The following MAP2 variants were observed in gnomAD, a reference collection of about 807,000 sequenced individuals.
MAP2 encodes the protein microtubule-associated protein 2.
MAP2 carries 14 observed loss-of-function variants against 137.6 expected under a neutral mutation model. The observed-to-expected ratio is 0.10, with a 90% CI of 0.07 to 0.16. The LOEUF (loss-of-function observed/expected upper bound fraction) is 0.16, where lower values mean the gene tolerates loss of function less well. Ranked by LOEUF, MAP2 falls within the 10% of genes least tolerant of loss-of-function variation. MAP2 has a pLI of 1.00. For missense variants in MAP2, 2,088 were observed against 2,191.5 expected, an observed-to-expected ratio of 0.95 and a Z score of 0.94; for synonymous variants, 786 against 782.3, an observed-to-expected ratio of 1.00 and a Z score of -0.08.
chr2:209,634,072 A>T (rs1425506711), intron 4 of MAP2, among the ~76,000 whole-genome samples: 1 of 152,146 alleles, frequency 6.6e-6, no homozygotes, highest in Non-Finnish European at 1.5e-5. Flanking sequence ...GCCACACCGG[A>T]GAAGGGCATG....
chr2:209,523,512 T>G (rs1479349312), intron 2 of MAP2, among the ~76,000 whole-genome samples: 1 of 152,138 alleles, frequency 6.6e-6, no homozygotes, highest in East Asian at 1.9e-4. Flanking sequence ...GCCTACGTCT[T>G]CTGCATGCTG....
chr2:209,579,282 C>CGT (rs3036660), intron 2 of MAP2: 18,736 of 149,530 alleles, frequency 0.13, 1,338 homozygotes, highest in East Asian at 0.24. Context: ...TGCGTGCGTG[C>CGT]GTGTGTGTGT....
At chr2:209,434,863 TTATATATATGTTA>T (rs1695380446) in intron 1 of MAP2, among the ~76,000 whole-genome samples, 1 of 96,558 alleles carries the variant, frequency 1.0e-5, no homozygotes, top group African/African-American at 3.7e-5. Flanking sequence ...TATATATATG[TTATATATATGTTA>T]TATATATGTT....
chr2:209,661,751 C>A, intron 5 of MAP2: 1 of 921,940 alleles, frequency 1.1e-6, no homozygotes, highest in Non-Finnish European at 1.3e-6. Flanking sequence ...GGATTAGCTT[C>A]AATCATAATA....
intron 13 of MAP2, chr2:209,723,781 A>C: frequency 1.2e-6 from 1 of 803,098 alleles, no homozygotes; most frequent in South Asian, 1.5e-5. Flanking sequence ...TTTCCAACAC[A>C]CTGCTCCTTT....
chr2:209,657,391 T>C (rs1159124846), intron 5 of MAP2, among the ~76,000 whole-genome samples: 1 of 152,210 alleles, frequency 6.6e-6, no homozygotes, highest in Non-Finnish European at 1.5e-5. Flanking sequence ...AACATTCCCG[T>C]CAACATTGTT....
chr2:209,582,698 G>GA, intron 3 of MAP2, among the ~76,000 whole-genome samples: 1 of 124,622 alleles, frequency 8.0e-6, no homozygotes, highest in South Asian at 2.5e-4. Context: ...TAGATAGATA[G>GA]ATAGAATATT....
At chr2:209,661,266 C>G (rs1003054212) in intron 5 of MAP2, among the ~76,000 whole-genome samples, 1 of 152,118 alleles carries the variant, frequency 6.6e-6, no homozygotes, top group African/African-American at 2.4e-5. Flanking sequence ...AAAATATGGC[C>G]TATTCTATGT....
In MAP2 at chr2:209,695,578, G is replaced by A. The variant is rs771358665; in HGVS notation, c.3408G>A (p.Glu1136=). 81 of 1,613,906 alleles carry A rather than the reference G, an allele frequency of 5.0e-5. 1 individual carries two copies. In the South Asian group the frequency reaches 5.8e-4, roughly 12 times the overall value. Residue 1136 remains glutamate (E), a synonymous_variant, in exon 8 of 16, where the codon GAG becomes GAA. Transcript: ENST00000682079. ...AGGAGTCCTATGAATCTAGTGGTGA[G>A]CATGAAAGTCTCACCATGGAGTCCT... ...DKEESYESSG[E]HESLTMESLK...
intron 3 of MAP2, among the ~76,000 whole-genome samples, chr2:209,601,238 A>G (rs921269206): frequency 3.3e-5 from 5 of 152,062 alleles, no homozygotes; most frequent in African/African-American, 4.8e-5. Flanking sequence ...TAACTTAAAC[A>G]TTATGGTTAT....
intron 12 of MAP2, among the ~76,000 whole-genome samples, chr2:209,707,738 T>C (rs2063919871): frequency 6.6e-6 from 1 of 152,174 alleles, no homozygotes; most frequent in African/African-American, 2.4e-5. Flanking sequence ...TGGTCATATA[T>C]ATTGAACAGC....
intron 14 of MAP2, among the ~76,000 whole-genome samples, chr2:209,726,338 A>G (rs879350065): frequency 6.6e-6 from 1 of 152,208 alleles, no homozygotes. Context: ...AAAATATCTC[A>G]TACGACTAGT....
At chr2:209,531,653 T>C (rs1021297099) in intron 2 of MAP2, among the ~76,000 whole-genome samples, 6 of 152,216 alleles carry the variant, frequency 3.9e-5, no homozygotes, top group Admixed American at 2.0e-4. Context: ...TTTAGAAATC[T>C]GTTATGTTAA....
intron 3 of MAP2, among the ~76,000 whole-genome samples, chr2:209,593,760 AT>A (rs1209609687): frequency 0.46 from 397 of 866 alleles, 32 homozygotes; most frequent in Non-Finnish European, 0.5. Flanking sequence ...ATTATATATA[AT>A]ATATAATATA....
At chr2:209,475,739 T>G (rs1707041262) in intron 1 of MAP2, among the ~76,000 whole-genome samples, 1 of 152,166 alleles carries the variant, frequency 6.6e-6, no homozygotes, top group Non-Finnish European at 1.5e-5. Context: ...TATTCTAGTT[T>G]TTAATGCATA....
At chr2:209,496,828 C>T (rs1186029435) in intron 1 of MAP2, among the ~76,000 whole-genome samples, 1 of 152,122 alleles carries the variant, frequency 6.6e-6, no homozygotes, top group Non-Finnish European at 1.5e-5. Flanking sequence ...GAGACAGGGA[C>T]TCTGTTGCCA....
intron 2 of MAP2, among the ~76,000 whole-genome samples, chr2:209,521,216 A>G (rs2063229828): frequency 6.6e-6 from 1 of 152,076 alleles, no homozygotes; most frequent in Admixed American, 6.6e-5. Context: ...AGAAAGACAC[A>G]GTCTTGCTCA....
At chr2:209,576,418 A>AT (rs112057916) in intron 2 of MAP2, among the ~76,000 whole-genome samples, 1,975 of 144,044 alleles carry the variant, frequency 0.014, 40 homozygotes, top group African/African-American at 0.047. Context: ...TAATTTTTGT[A>AT]TTTTTTTTTT....
At chr2:209,550,148 A>T (rs1294337917) in intron 2 of MAP2, among the ~76,000 whole-genome samples, 1 of 152,208 alleles carries the variant, frequency 6.6e-6, no homozygotes, top group African/African-American at 2.4e-5. Context: ...TTTACATTAG[A>T]AACATTTTTA....
Sources: allele counts gnomAD v4.1 joint callset (sites outside exome capture counted in the v4.1 genomes callset), GRCh38; gene constraint gnomAD v4.1.1; transcripts MANE v1.5; gene names NCBI Gene and HGNC (gene_info 2026-07-23, HGNC 2026-07-21).